The following PPP1R21 variants were observed in gnomAD, a reference collection of about 807,000 sequenced individuals.
PPP1R21 encodes KLRAQ motif containing 1.
A neutral mutation model predicts 112.8 loss-of-function variants in PPP1R21; 85 were observed. That is an observed-to-expected ratio of 0.75 (90% CI 0.63 to 0.90). The LOEUF is 0.90. Among genes scored for constraint, PPP1R21 ranks in the 40% least tolerant of loss-of-function variants. The pLI, the probability that PPP1R21 is intolerant of heterozygous loss-of-function variation, is 0.00. For synonymous variants in PPP1R21, 381 were observed against 322.3 expected (o/e 1.18, Z -1.95); for missense variants, 1,199 against 901.5 (o/e 1.33, Z -4.23).
intron 12 of PPP1R21, among the ~76,000 whole-genome samples, chr2:48,477,982 T>A (rs1035504039): frequency 2.0e-5 from 3 of 152,126 alleles, no homozygotes; most frequent in Admixed American, 6.5e-5. Context: ...GGGATCCTTA[T>A]AAGGAGAGAG....
At chr2:48,511,547 G>A (rs1433638972) in intron 21 of PPP1R21, 79 bp downstream of exon 21, 27 of 1,544,266 alleles carry the variant, frequency 1.7e-5, no homozygotes, top group Non-Finnish European at 2.3e-5. Flanking sequence ...CATTTCAGGA[G>A]GAAGAGGACA....
Position 48,511,250 on chromosome 2 carries a change from T to C in PPP1R21, c.2185-90T>C, listed in dbSNP as rs955229930. On this transcript the variant is annotated intron_variant, in intron 20 of 21. Coordinates refer to ENST00000294952, the MANE Select transcript of PPP1R21 (RefSeq NM_001135629.3). ...AATTATTGGGAAACTATAATTTCCC[T>C]ACTCCACATTTTTCTTTTGTGAATT... 42 of 1,272,910 alleles carry C rather than the reference T, an allele frequency of 3.3e-5. 1 individual carries two copies. The highest frequency in any genetic ancestry group is 4.5e-5 in the Non-Finnish European group (41 of 914,118). The allele number at this position is 1,272,910 out of a possible 1,614,324, so 78.9% of individuals were successfully genotyped here. A position where few individuals can be genotyped will look rare whatever the true frequency, so the allele number is the denominator to read the frequency against.
rs371150823 is a variant in PPP1R21, at chr2:48,461,284, G to A, written c.694+52G>A. 88 of 1,469,716 alleles carry A rather than the reference G, an allele frequency of 6.0e-5. No homozygotes were observed. In the African/African-American group the frequency reaches 1.2e-3, roughly 20 times the overall value. 91.0% of individuals were successfully genotyped at this position (1,469,716 alleles called of 1,614,324 possible). Reference sequence around the variant, plus strand: ...ATTTGTAACTTTGAATCTCTCTGTGGTAGCCAACTAATTAAAGTAATTTTT... The same window carrying A: ...ATTTGTAACTTTGAATCTCTCTGTGATAGCCAACTAATTAAAGTAATTTTT... On this transcript the variant is annotated intron_variant, in intron 7 of 21. Transcript: ENST00000294952.
At chr2:48,469,924 TA>T (rs1341202611) in intron 9 of PPP1R21, among the ~76,000 whole-genome samples, 1 of 152,122 alleles carries the variant, frequency 6.6e-6, no homozygotes, top group Non-Finnish European at 1.5e-5. Context: ...GAGTGCATTA[TA>T]TTATACAGCT....
Position 48,508,137 on chromosome 2 carries a change from C to T in PPP1R21, c.2085+752C>T, listed in dbSNP as rs531237288. 1.1e-4 allele frequency among the ~76,000 whole-genome samples: 16 copies of T among 150,818 alleles called. No individual in the cohort carries two copies. In the East Asian group the frequency reaches 2.7e-3, roughly 26 times the overall value. ...ATCATCTATAAAATTATACACAATTCATAGAATTAAGGGGGCAAATGAAGA... is the reference window on the plus strand; with the variant it reads ...ATCATCTATAAAATTATACACAATTTATAGAATTAAGGGGGCAAATGAAGA... On this transcript the variant is annotated intron_variant, in intron 19 of 21. Coordinates refer to ENST00000294952, the MANE Select transcript of PPP1R21 (RefSeq NM_001135629.3).
chr2:48,490,676 A>G (rs986713749), intron 14 of PPP1R21, among the ~76,000 whole-genome samples: 9 of 152,344 alleles, frequency 5.9e-5, no homozygotes, highest in Non-Finnish European at 8.8e-5. Flanking sequence ...CCGAACATGG[A>G]TATTTTGAGA....
intron 1 of PPP1R21, among the ~76,000 whole-genome samples, chr2:48,443,192 G>A (rs1667107511): frequency 6.6e-6 from 1 of 152,096 alleles, no homozygotes; most frequent in Non-Finnish European, 1.5e-5. Context: ...ATTCATTTTG[G>A]GACTTGGTGA....
chr2:48,514,978 G>T lies in PPP1R21; in HGVS notation c.*234G>T. On this transcript the variant is annotated 3_prime_UTR_variant, in exon 22 of 22. Transcript: ENST00000294952. ...AATGGAAAACAATACGTATGTCATG[G>T]ATATTGTAGGTTTCCTTATGCTGTT... 3.9e-6 allele frequency: 2 copies of T among 510,202 alleles called. No homozygotes were observed. The highest frequency in any genetic ancestry group is 3.7e-5 in the Admixed American group (1 of 27,028). The allele number at this position is 510,202 out of a possible 1,614,324, so 31.6% of individuals were successfully genotyped here.
chr2:48,443,604 C>A (rs1667125046), intron 1 of PPP1R21, among the ~76,000 whole-genome samples: 2 of 152,178 alleles, frequency 1.3e-5, no homozygotes, highest in South Asian at 2.1e-4. Flanking sequence ...GGGGTCATCT[C>A]CCCTATTGGA....
At chr2:48,471,660 A>T (rs1028935603) in intron 11 of PPP1R21, among the ~76,000 whole-genome samples, 5 of 152,164 alleles carry the variant, frequency 3.3e-5, no homozygotes, top group African/African-American at 1.2e-4. Flanking sequence ...GTTTCCTTCT[A>T]CGTTAGGATC....
At position 48,471,285 on chromosome 2, in the gene PPP1R21, A is replaced by G. The variant is rs369493239; in HGVS notation, c.1006A>G (p.Thr336Ala). 13 of 1,611,526 alleles carry G rather than the reference A, an allele frequency of 8.1e-6. No homozygotes were observed. The African/African-American group carries it at 1.1e-4, about 13-fold the overall frequency. ...TEDTVTVLET[T>A]VKLKTFSEHL... The stretch of plus-strand genomic sequence containing the variant: ...AATTATTTTTCTTTTCCAGGAGACA[A>G]CTGTGAAATTGAAAACTTTTTCAGA... The change falls in exon 11 of 22, where the codon ACT becomes GCT. Residue 336 changes from threonine to alanine, a missense_variant. Physicochemically the swap from Thr to Ala is moderately conservative, Grantham distance 58 (BLOSUM62 0). Transcript: ENST00000294952.
chr2:48,442,055 A>T (rs1273268674), intron 1 of PPP1R21, among the ~76,000 whole-genome samples: 1 of 152,236 alleles, frequency 6.6e-6, no homozygotes, highest in Non-Finnish European at 1.5e-5. Flanking sequence ...CACTTATTTC[A>T]GTGATGCTAC....
intron 7 of PPP1R21, among the ~76,000 whole-genome samples, chr2:48,462,570 G>A (rs569885569): frequency 3.5e-4 from 53 of 152,274 alleles, no homozygotes; most frequent in African/African-American, 1.3e-3. Flanking sequence ...GAGAAAAGGT[G>A]TCATCATGCC....
chr2:48,457,557 T>A (rs1199582146), intron 3 of PPP1R21, among the ~76,000 whole-genome samples: 1 of 152,212 alleles, frequency 6.6e-6, no homozygotes, highest in East Asian at 1.9e-4. Context: ...CGAGTTCATA[T>A]TAGTAAAAAT....
At chr2:48,470,980 T>C in intron 9 of PPP1R21, 107 bp from the exon 10 acceptor site, 1 of 757,484 alleles carries the variant, frequency 1.3e-6, no homozygotes, top group Non-Finnish European at 2.2e-6. Context: ...AGTGAGCCAT[T>C]ATCAGGTTTA....
intron 9 of PPP1R21, among the ~76,000 whole-genome samples, chr2:48,468,366 G>A (rs1458734523): frequency 1.3e-5 from 2 of 152,124 alleles, no homozygotes; most frequent in Non-Finnish European, 2.9e-5. Context: ...GACTCTACAC[G>A]TCTATTGAAG....
chr2:48,486,862 G>T, intron 14 of PPP1R21, 104 bp downstream of exon 14: 1 of 1,257,296 alleles, frequency 8.0e-7, no homozygotes, highest in Non-Finnish European at 1.1e-6. Context: ...GTAATATAAG[G>T]GTTTACTGTA....
chr2:48,482,946 C>A (rs1007226028), intron 13 of PPP1R21, among the ~76,000 whole-genome samples: 2 of 152,042 alleles, frequency 1.3e-5, no homozygotes, highest in African/African-American at 4.8e-5. Context: ...CATCCCCCAC[C>A]CTCCATCAGG....
At position 48,459,840 on chromosome 2, in the gene PPP1R21, C is replaced by A; in HGVS notation, c.462C>A (p.His154Gln). The A allele has an allele frequency of 6.2e-7, 1 of 1,614,138 alleles. No individual in the cohort carries two copies. The highest frequency in any genetic ancestry group is 8.5e-7 in the Non-Finnish European group (1 of 1,180,038). Residue 154 changes from histidine (H) to glutamine (Q), a missense_variant, in exon 5 of 22, where the codon CAC becomes CAA. Physicochemically the swap from His to Gln is conservative, Grantham distance 24. Coordinates refer to ENST00000294952, the MANE Select transcript of PPP1R21 (RefSeq NM_001135629.3). The part of the protein sequence containing the change: ...LATLETEAAQ[H>Q]QAVVDGLTRK... ...CTCTGGAGACAGAAGCAGCCCAGCA[C>A]CAAGCTGTGGTTGACGGTCTCACCC...
Sources: gnomAD v4.1 joint callset for allele counts (sites outside exome capture counted in the v4.1 genomes callset) on GRCh38, gnomAD v4.1.1 for gene constraint, MANE v1.5 for transcripts, NCBI Gene and HGNC (gene_info 2026-07-23, HGNC 2026-07-21) for gene names.